The following EML6 variants were observed in gnomAD, a reference collection of about 807,000 sequenced individuals.
EML6 encodes the protein echinoderm microtubule-associated protein-like 6.
EML6 carries 154 observed loss-of-function variants against 240.1 expected under a neutral mutation model. The ratio of observed to expected loss-of-function variants is 0.64; its 90% CI spans 0.56 to 0.73. EML6 has a LOEUF of 0.73. Ranked by LOEUF, EML6 falls within the 30% of genes least tolerant of loss-of-function variation. EML6 has a pLI of 0.00. For missense variants in EML6, 2,964 were observed against 2,474.6 expected (o/e 1.20, Z -4.20); for synonymous variants, 1,148 against 899.0 (o/e 1.28, Z -4.95).
intron 2 of EML6, among the ~76,000 whole-genome samples, chr2:54,788,818 T>C (rs1404148242): frequency 6.6e-6 from 1 of 152,234 alleles, no homozygotes; most frequent in Admixed American, 6.5e-5. Flanking sequence ...CTGAAGTTTT[T>C]ATTGACTTTA....
chr2:54,807,356 G>C (rs1349982470), intron 2 of EML6, among the ~76,000 whole-genome samples: 1 of 152,212 alleles, frequency 6.6e-6, no homozygotes, highest in Non-Finnish European at 1.5e-5. Flanking sequence ...TCAGTGATGT[G>C]AGAGAATATT....
At chr2:54,811,951 G>T (rs1399998413) in intron 2 of EML6, among the ~76,000 whole-genome samples, 1 of 152,178 alleles carries the variant, frequency 6.6e-6, no homozygotes, top group African/African-American at 2.4e-5. Context: ...ACTTGCTTAT[G>T]AAGATTCCTG....
chr2:54,926,260 C>G (rs1674539819), intron 26 of EML6, among the ~76,000 whole-genome samples: 2 of 152,206 alleles, frequency 1.3e-5, no homozygotes, highest in Non-Finnish European at 2.9e-5. Context: ...CACCACCATG[C>G]CCAGCTAATT....
chr2:54,893,473 AG>A (rs1672587974), intron 19 of EML6, among the ~76,000 whole-genome samples: 1 of 152,166 alleles, frequency 6.6e-6, no homozygotes, highest in South Asian at 2.1e-4. Context: ...TCCATTCATG[AG>A]GGCAGACCCC....
chr2:54,963,907 C>A, intron 36 of EML6, 79 bp from the exon 37 acceptor site: 1 of 1,386,342 alleles, frequency 7.2e-7, no homozygotes, highest in Non-Finnish European at 9.6e-7. Context: ...CCTGACTTCT[C>A]TGGCCTGGTG....
chr2:54,928,012 T>G (rs941514633), intron 26 of EML6, among the ~76,000 whole-genome samples: 3 of 152,252 alleles, frequency 2.0e-5, no homozygotes, highest in Non-Finnish European at 4.4e-5. Flanking sequence ...GCAGCACATT[T>G]GACATTTGAG....
chr2:54,850,246 T>C, intron 10 of EML6, 28 bp downstream of exon 10: 2 of 1,540,424 alleles, frequency 1.3e-6, no homozygotes, highest in Non-Finnish European at 1.8e-6. Flanking sequence ...CTTGGATGTT[T>C]CTGGAAAGCA....
At chr2:54,941,689 T>C (rs1350212078) in intron 28 of EML6, among the ~76,000 whole-genome samples, 1 of 152,240 alleles carries the variant, frequency 6.6e-6, no homozygotes, top group African/African-American at 2.4e-5. Context: ...TGAGAGTTGG[T>C]ACAGAGATCT....
rs1272729944 is a variant in EML6, at chr2:54,859,529, T to C, written c.1658-5T>C. ...AACTAATCCTCTCAAAAAATATTCT[T>C]TCAGGAGCCAAATTTAGAAAGTATG... On this transcript the variant is annotated splice_region_variant and splice_polypyrimidine_tract_variant and intron_variant, in intron 11 of 41. Transcript: ENST00000356458. The C allele has an allele frequency of 1.3e-6, 2 of 1,548,516 alleles. No homozygotes were observed. The highest frequency in any genetic ancestry group is 1.7e-6 in the Non-Finnish European group (2 of 1,146,012).
intron 32 of EML6, among the ~76,000 whole-genome samples, chr2:54,956,725 TA>T (rs1409275388): frequency 6.6e-6 from 1 of 152,082 alleles, no homozygotes; most frequent in Non-Finnish European, 1.5e-5. Context: ...ACCATCATGG[TA>T]CTAGAAAGCT....
intron 2 of EML6, among the ~76,000 whole-genome samples, chr2:54,790,221 G>A (rs938301269): frequency 6.6e-6 from 1 of 152,164 alleles, no homozygotes; most frequent in African/African-American, 2.4e-5. Flanking sequence ...AAGCAAATTA[G>A]ATAACTTGCT....
intron 7 of EML6, among the ~76,000 whole-genome samples, chr2:54,835,412 GCGCAAGTGATGAGGATGCAGAAGGAGGAA>G (rs1346937925): frequency 6.6e-6 from 1 of 152,204 alleles, no homozygotes; most frequent in African/African-American, 2.4e-5. Flanking sequence ...TTGTGGAGGA[GCGCAAGTGATGAGGATGCAGAAGGAGGAA>G]CAGATAACTT....
chr2:54,936,210 C>G (rs1675126029), intron 28 of EML6, among the ~76,000 whole-genome samples: 1 of 152,198 alleles, frequency 6.6e-6, no homozygotes, highest in African/African-American at 2.4e-5. Context: ...ACTGTGGTAA[C>G]TACACGATCA....
At chr2:54,874,567 A>G (rs977397523) in intron 16 of EML6, among the ~76,000 whole-genome samples, 4 of 152,226 alleles carry the variant, frequency 2.6e-5, no homozygotes, top group Admixed American at 2.6e-4. Context: ...CAGGTTAAGT[A>G]GTATGTCAAT....
At chr2:54,886,441 A>T (rs982148790) in intron 17 of EML6, among the ~76,000 whole-genome samples, 1 of 152,060 alleles carries the variant, frequency 6.6e-6, no homozygotes, top group African/African-American at 2.4e-5. Flanking sequence ...GAGTGTTGGG[A>T]TTACAGGTGT....
At chr2:54,902,253 C>T (rs1454415027) in intron 22 of EML6, among the ~76,000 whole-genome samples, 1 of 152,110 alleles carries the variant, frequency 6.6e-6, no homozygotes, top group East Asian at 1.9e-4. Flanking sequence ...TCCTATTAAC[C>T]CTATACTCCT....
chr2:54,852,748 G>A (rs1165731829), intron 10 of EML6, among the ~76,000 whole-genome samples: 2 of 152,188 alleles, frequency 1.3e-5, no homozygotes, highest in East Asian at 1.9e-4. Flanking sequence ...TTATATAAGG[G>A]CATTTATTCT....
At chr2:54,949,674 T>A (rs1253158524) in intron 29 of EML6, among the ~76,000 whole-genome samples, 1 of 152,230 alleles carries the variant, frequency 6.6e-6, no homozygotes, top group African/African-American at 2.4e-5. Flanking sequence ...CATGCTGGCC[T>A]TCAGACCTGG....
intron 2 of EML6, among the ~76,000 whole-genome samples, chr2:54,732,178 G>GT (rs573260352): frequency 5.6e-4 from 85 of 150,974 alleles, no homozygotes; most frequent in Non-Finnish European, 9.1e-4. Flanking sequence ...AGTTCTAAGA[G>GT]TTTTTTTACA....
Sources: allele counts gnomAD v4.1 joint callset (sites outside exome capture counted in the v4.1 genomes callset), GRCh38; gene constraint gnomAD v4.1.1; transcripts MANE v1.5; gene names NCBI Gene and HGNC (gene_info 2026-07-23, HGNC 2026-07-21).